Variants in FHIT observed in about 807,000 individuals in gnomAD.
FHIT encodes fragile histidine triad diadenosine triphosphatase, also known as bis(5'-adenosyl)-triphosphatase.
A neutral mutation model predicts 17.9 loss-of-function variants in FHIT; 19 were observed. The ratio of observed to expected loss-of-function variants is 1.06; its 90% CI spans 0.74 to 1.56. The LOEUF is 1.56. Ranked by LOEUF, FHIT falls within the 40% of genes most tolerant of loss-of-function variation. The pLI, the probability that FHIT is intolerant of heterozygous loss-of-function variation, is 0.00. For synonymous variants in FHIT, 81 were observed against 69.7 expected, an observed-to-expected ratio of 1.16 and a Z score of -0.81; for missense variants, 248 against 189.2, an observed-to-expected ratio of 1.31 and a Z score of -1.82.
intron 1 of FHIT, among the ~76,000 whole-genome samples, chr3:61,209,224 A>C (rs1185510502): frequency 1.3e-5 from 2 of 152,158 alleles, no homozygotes; most frequent in South Asian, 2.1e-4. Context: ...GGGTAACCCG[A>C]CCTTTCTCTC....
At chr3:60,180,955 T>C (rs1701903633) in intron 5 of FHIT, among the ~76,000 whole-genome samples, 1 of 152,106 alleles carries the variant, frequency 6.6e-6, no homozygotes, top group African/African-American at 2.4e-5. Context: ...ATAATCTGGA[T>C]ATTTTTAAAT....
intron 5 of FHIT, among the ~76,000 whole-genome samples, chr3:60,401,171 G>C (rs1244860315): frequency 1.3e-5 from 2 of 152,160 alleles, no homozygotes; most frequent in Non-Finnish European, 2.9e-5. Context: ...TTTGCTTGTA[G>C]TGATTGCTCA....
chr3:60,898,468 T>C (rs1705941307), intron 3 of FHIT, among the ~76,000 whole-genome samples: 1 of 152,216 alleles, frequency 6.6e-6, no homozygotes, highest in Admixed American at 6.5e-5. Context: ...GTGGGTTCCC[T>C]TTACCCACAC....
chr3:59,993,095 G>A (rs902505914), intron 7 of FHIT, among the ~76,000 whole-genome samples: 1 of 151,968 alleles, frequency 6.6e-6, no homozygotes, highest in African/African-American at 2.4e-5. Flanking sequence ...TTCTCTTCTG[G>A]TAGAACAACT....
At chr3:60,652,164 G>A (rs1192933847) in intron 4 of FHIT, among the ~76,000 whole-genome samples, 1 of 152,146 alleles carries the variant, frequency 6.6e-6, no homozygotes, top group African/African-American at 2.4e-5. Flanking sequence ...GGCTGAAAAG[G>A]GGGGTTAATT....
chr3:61,065,189 A>C (rs989358585), intron 2 of FHIT, among the ~76,000 whole-genome samples: 2 of 152,102 alleles, frequency 1.3e-5, no homozygotes, highest in African/African-American at 4.8e-5. Context: ...ATATTCAAGG[A>C]AAGTTTGAGT....
chr3:60,950,023 A>G (rs550194895), intron 3 of FHIT, among the ~76,000 whole-genome samples: 1 of 152,358 alleles, frequency 6.6e-6, no homozygotes, highest in East Asian at 1.9e-4. Context: ...TAATGGAGCT[A>G]AAAAATTCCT....
intron 5 of FHIT, among the ~76,000 whole-genome samples, chr3:60,029,271 T>C (rs528278875): frequency 6.6e-6 from 1 of 152,202 alleles, no homozygotes; most frequent in Non-Finnish European, 1.5e-5. Context: ...TGGTTTCCGC[T>C]TGCGTGGTCA....
intron 3 of FHIT, among the ~76,000 whole-genome samples, chr3:60,937,858 G>A (rs1019041236): frequency 2.0e-5 from 3 of 152,054 alleles, no homozygotes; most frequent in Middle Eastern, 3.4e-3. Flanking sequence ...CACCACGCCC[G>A]GCCCTCTGCT....
chr3:60,563,740 G>C (rs1823244), intron 4 of FHIT, among the ~76,000 whole-genome samples: 127,926 of 152,204 alleles, frequency 0.84, 54,248 homozygotes, highest in African/African-American at 0.95. Flanking sequence ...CTCTCCAATT[G>C]TATGAAGTCT....
chr3:59,984,088 C>T (rs1292276555), intron 7 of FHIT, among the ~76,000 whole-genome samples: 1 of 152,112 alleles, frequency 6.6e-6, no homozygotes, highest in Admixed American at 6.6e-5. Context: ...CCCTAATATT[C>T]CAAGGTGAAA....
At position 60,011,358 on chromosome 3, in the gene FHIT, A is replaced by G; in HGVS notation, c.279+13T>C. On this transcript the variant is annotated intron_variant, in intron 7 of 9. Coordinates refer to ENST00000492590, the MANE Select transcript of FHIT (RefSeq NM_002012.4). ...GCCTCTTATTAATTTGTATGCACAT[A>G]ATAAGCACTCACCTTCACAGTCTGT... 6.2e-7 allele frequency: 1 copy of G among 1,613,382 alleles called. No individual in the cohort carries two copies. The highest frequency in any genetic ancestry group is 8.5e-7 in the Non-Finnish European group (1 of 1,179,358).
chr3:60,205,347 G>A (rs1346675651), intron 5 of FHIT, among the ~76,000 whole-genome samples: 2 of 152,084 alleles, frequency 1.3e-5, no homozygotes, highest in Admixed American at 6.6e-5. Flanking sequence ...ATAAATACAC[G>A]TATGTATTAA....
intron 4 of FHIT, among the ~76,000 whole-genome samples, chr3:60,619,210 T>C (rs2856040): frequency 0.86 from 130,447 of 152,104 alleles, 56,137 homozygotes; most frequent in Non-Finnish European, 0.88. Flanking sequence ...AGCTATCTAC[T>C]GTTCTAGAAT....
At chr3:60,871,340 G>A (rs576199194) in intron 3 of FHIT, among the ~76,000 whole-genome samples, 242 of 152,030 alleles carry the variant, frequency 1.6e-3, no homozygotes, top group Non-Finnish European at 2.1e-3. Context: ...AAAAGTCTCC[G>A]AGAACTCCTG....
chr3:60,210,223 G>A (rs1449022469), intron 5 of FHIT, among the ~76,000 whole-genome samples: 1 of 152,116 alleles, frequency 6.6e-6, no homozygotes, highest in African/African-American at 2.4e-5. Context: ...GTTTTGATAT[G>A]AACTGTTGGG....
chr3:60,131,652 G>A (rs962812378), intron 5 of FHIT, among the ~76,000 whole-genome samples: 1 of 152,012 alleles, frequency 6.6e-6, no homozygotes, highest in Non-Finnish European at 1.5e-5. Flanking sequence ...TGCCTAAGAA[G>A]GCCCTTTTGA....
chr3:60,356,757 A>G (rs1011214792), intron 5 of FHIT, among the ~76,000 whole-genome samples: 1 of 58,022 alleles, frequency 1.7e-5, no homozygotes, highest in East Asian at 4.5e-4. Context: ...CAGAGACAAA[A>G]AAAAAAAAAA....
Position 60,108,592 on chromosome 3 carries a change from C to G in FHIT, c.104-94440G>C, listed in dbSNP as rs556700079. On this transcript the variant is annotated intron_variant, in intron 5 of 9. Transcript: ENST00000492590. ...AGCCTGAAGGACAGGGGACTCCTAG[C>G]TCGACAGATCATGCTAAAATTATAC... Among the ~76,000 whole-genome samples, 137 of 152,258 alleles carry G rather than the reference C, an allele frequency of 9.0e-4. 3 individuals are homozygous for G. The highest frequency in any genetic ancestry group is 3.9e-4 in the Admixed American group (6 of 15,294).
Sources: gnomAD v4.1 joint callset for allele counts (sites outside exome capture counted in the v4.1 genomes callset) on GRCh38, gnomAD v4.1.1 for gene constraint, MANE v1.5 for transcripts, NCBI Gene and HGNC (gene_info 2026-07-23, HGNC 2026-07-21) for gene names.